The following DLGAP2 variants were observed in gnomAD, a reference collection of about 807,000 sequenced individuals.
DLGAP2 encodes disks large-associated protein 2.
A neutral mutation model predicts 100.3 loss-of-function variants in DLGAP2; 26 were observed. That is an observed-to-expected ratio of 0.26 (90% CI 0.19 to 0.36). DLGAP2 has a LOEUF of 0.36. DLGAP2 is among the 10% of genes least tolerant of loss of function. The pLI, the probability that DLGAP2 is intolerant of heterozygous loss-of-function variation, is 1.00. For missense variants in DLGAP2, 1,858 were observed against 1,453.2 expected, an observed-to-expected ratio of 1.28 and a Z score of -4.53; for synonymous variants, 886 against 630.1, an observed-to-expected ratio of 1.41 and a Z score of -6.08.
chr8:1,540,588 G>A (rs572313174), intron 4 of DLGAP2, among the ~76,000 whole-genome samples: 1 of 152,318 alleles, frequency 6.6e-6, no homozygotes, highest in Non-Finnish European at 1.5e-5. Flanking sequence ...CTGCCGGGCT[G>A]GGCGCTGGAG....
At chr8:1,415,935 C>T (rs778895603) in intron 3 of DLGAP2, among the ~76,000 whole-genome samples, 1 of 152,122 alleles carries the variant, frequency 6.6e-6, no homozygotes, top group South Asian at 2.1e-4. Context: ...GTAGAAACTC[C>T]TTGAGGGGTC....
At chr8:1,278,254 G>A (rs1355888016) in intron 3 of DLGAP2, among the ~76,000 whole-genome samples, 1 of 152,150 alleles carries the variant, frequency 6.6e-6, no homozygotes. Context: ...CTATAAAAGT[G>A]GAAAAGAAGA....
chr8:1,658,295 A>G (rs566395889), intron 8 of DLGAP2, among the ~76,000 whole-genome samples: 1 of 152,282 alleles, frequency 6.6e-6, no homozygotes, highest in East Asian at 1.9e-4. Flanking sequence ...TTCCAGGTAC[A>G]GCTGCTCCAT....
intron 2 of DLGAP2, among the ~76,000 whole-genome samples, chr8:1,123,333 G>A (rs1796092450): frequency 6.6e-6 from 1 of 152,138 alleles, no homozygotes; most frequent in Non-Finnish European, 1.5e-5. Flanking sequence ...TTCCCATGAG[G>A]CGGGTGATAA....
chr8:787,834 G>A (rs972202274), intron 1 of DLGAP2, among the ~76,000 whole-genome samples: 2 of 152,206 alleles, frequency 1.3e-5, no homozygotes, highest in Non-Finnish European at 2.9e-5. Flanking sequence ...GTTTGGGCTC[G>A]CTCAGCACTT....
rs566297251 is a variant in DLGAP2, at chr8:1,153,279, G to C, written c.74-105572G>C. On this transcript the variant is annotated intron_variant, in intron 2 of 14. Transcript: ENST00000637795. ...CCAGATAATTGGGGTCATTTTCTTC[G>C]GAAGGAAAAAAATCAGCTTTTGGCA... is the stretch of plus-strand genomic sequence containing the variant. Among the ~76,000 whole-genome samples the C allele has an allele frequency of 2.6e-5, 4 of 151,990 alleles. No homozygotes were observed. The East Asian group carries it at 7.7e-4, about 29-fold the overall frequency.
chr8:1,208,027 T>G (rs1798030911), intron 2 of DLGAP2, among the ~76,000 whole-genome samples: 1 of 152,244 alleles, frequency 6.6e-6, no homozygotes, highest in African/African-American at 2.4e-5. Flanking sequence ...GTCTGTTTAC[T>G]CTGCTGATTA....
chr8:1,358,649 C>T (rs1428328026), intron 3 of DLGAP2, among the ~76,000 whole-genome samples: 1 of 152,128 alleles, frequency 6.6e-6, no homozygotes. Context: ...GAGGGTTGGC[C>T]GTGGTGAAGA....
intron 2 of DLGAP2, among the ~76,000 whole-genome samples, chr8:1,083,301 C>G (rs1341740220): frequency 1.3e-5 from 2 of 152,184 alleles, no homozygotes; most frequent in African/African-American, 4.8e-5. Context: ...GGGACATGAG[C>G]TTTGCTTTTT....
intron 2 of DLGAP2, among the ~76,000 whole-genome samples, chr8:938,722 T>C (rs913170320): frequency 6.6e-6 from 1 of 152,110 alleles, no homozygotes; most frequent in Admixed American, 6.5e-5. Context: ...GGCTGTGGCC[T>C]GGCTGTGAGG....
At chr8:1,117,783 T>A (rs1795929649) in intron 2 of DLGAP2, among the ~76,000 whole-genome samples, 1 of 152,086 alleles carries the variant, frequency 6.6e-6, no homozygotes, top group African/African-American at 2.4e-5. Flanking sequence ...GCACACAGAA[T>A]CACCTGCGCA....
intron 1 of DLGAP2, among the ~76,000 whole-genome samples, chr8:865,718 C>T (rs1226410898): frequency 1.3e-5 from 2 of 152,178 alleles, no homozygotes; most frequent in African/African-American, 4.8e-5. Context: ...TTTTATAAGG[C>T]CGCTGTGAGC....
At chr8:1,375,233 C>T (rs560748755) in intron 3 of DLGAP2, among the ~76,000 whole-genome samples, 4 of 85,406 alleles carry the variant, frequency 4.7e-5, no homozygotes, top group East Asian at 9.5e-4. Flanking sequence ...TTTGGGTTAA[C>T]GACACCTCTC....
In DLGAP2 at chr8:1,417,712, T is replaced by TC. The variant is rs1563134309; in HGVS notation, c.107-83653dup. 8.9e-5 allele frequency among the ~76,000 whole-genome samples: 13 copies of TC among 146,514 alleles called. 1 individual carries two copies. Among genetic ancestry groups the TC allele is most frequent in the Admixed American group, 2.7e-4 (4 of 14,940 alleles). ...ACAGGGGGCCCCACTCCTGCCTCAC[T>TC]CGGCGAGGCTCCAGACACAGAAGCC... is the stretch of plus-strand genomic sequence containing the variant. On this transcript the variant is annotated intron_variant, in intron 3 of 14. Transcript: ENST00000637795.
At chr8:1,151,436 T>G (rs1257370686) in intron 2 of DLGAP2, among the ~76,000 whole-genome samples, 1 of 152,216 alleles carries the variant, frequency 6.6e-6, no homozygotes, top group Admixed American at 6.5e-5. Context: ...AAAGGACCTT[T>G]GGCCTACGCG....
chr8:1,518,080 G>A (rs904571203), intron 4 of DLGAP2, among the ~76,000 whole-genome samples: 2 of 152,232 alleles, frequency 1.3e-5, no homozygotes, highest in East Asian at 3.8e-4. Flanking sequence ...GGATGATGGA[G>A]TCTGGTGCAT....
intron 3 of DLGAP2, among the ~76,000 whole-genome samples, chr8:1,449,273 G>GT (rs754623232): frequency 2.6e-5 from 4 of 152,184 alleles, no homozygotes; most frequent in Non-Finnish European, 5.9e-5. Flanking sequence ...TGATTCCGGG[G>GT]TAATTGTTCT....
chr8:1,181,574 A>C (rs1482403786), intron 2 of DLGAP2, among the ~76,000 whole-genome samples: 1 of 152,058 alleles, frequency 6.6e-6, no homozygotes, highest in Non-Finnish European at 1.5e-5. Flanking sequence ...ATCAGGAATT[A>C]ACTAATGGGT....
chr8:1,355,381 T>C (rs957509283), intron 3 of DLGAP2, among the ~76,000 whole-genome samples: 3 of 152,166 alleles, frequency 2.0e-5, no homozygotes, highest in Non-Finnish European at 4.4e-5. Context: ...TTGTTTTTGT[T>C]TGAGATGGAG....
Sources: gnomAD v4.1 joint callset for allele counts (sites outside exome capture counted in the v4.1 genomes callset) on GRCh38, gnomAD v4.1.1 for gene constraint, MANE v1.5 for transcripts, NCBI Gene and HGNC (gene_info 2026-07-23, HGNC 2026-07-21) for gene names.